The following SRP68 variants were observed in gnomAD, a reference collection of about 807,000 sequenced individuals.
SRP68 encodes the protein signal recognition particle subunit SRP68.
A neutral mutation model predicts 82.2 loss-of-function variants in SRP68; 15 were observed. The observed-to-expected ratio is 0.18, with a 90% CI of 0.12 to 0.28. The LOEUF (loss-of-function observed/expected upper bound fraction) is 0.28, where lower values mean the gene tolerates loss of function less well. SRP68 is among the 10% of genes least tolerant of loss of function. The pLI is 1.00. For missense variants in SRP68, 595 were observed against 780.5 expected (o/e 0.76, Z 2.83); for synonymous variants, 261 against 292.6 (o/e 0.89, Z 1.10).
chr17:76,063,969 T>TTA lies in SRP68; in HGVS notation c.561+6_561+7insTA, dbSNP rs1394156416. 6.2e-6 allele frequency: 10 copies of TTA among 1,611,130 alleles called. No individual in the cohort carries two copies. In the East Asian group the frequency reaches 2.0e-4, roughly 32 times the overall value. On this transcript the variant is annotated splice_region_variant and intron_variant, in intron 4 of 15. Transcript: ENST00000307877. Reference sequence around the variant, plus strand: ...ACAATAAACAAGCTGAATGTTGAGGTACTAACCTGAGCCTCTAATTTGGTC... The same window carrying TTA: ...ACAATAAACAAGCTGAATGTTGAGGTTAACTAACCTGAGCCTCTAATTTGGTC...
chr17:76,045,077 C>T (rs1274862956), intron 12 of SRP68: 3 of 481,902 alleles, frequency 6.2e-6, no homozygotes, highest in South Asian at 2.9e-5. Flanking sequence ...TCCACTCCTC[C>T]GACCTGGCCA....
At chr17:76,050,335 T>C in intron 9 of SRP68, 93 bp downstream of exon 9, 1 of 870,672 alleles carries the variant, frequency 1.1e-6, no homozygotes, top group South Asian at 1.4e-5. Flanking sequence ...AAGCGAGCAG[T>C]GCACTCAGAG....
intron 13 of SRP68, chr17:76,043,434 A>G (rs370093734): frequency 2.6e-5 from 4 of 153,898 alleles, no homozygotes; most frequent in Admixed American, 2.0e-4. Flanking sequence ...GGCCTTTCTA[A>G]GTCCCAATGC....
At chr17:76,046,476 A>C (rs1339400233) in intron 10 of SRP68, among the ~76,000 whole-genome samples, 4 of 115,424 alleles carry the variant, frequency 3.5e-5, no homozygotes, top group South Asian at 2.3e-4. Context: ...AAAAAAAAAA[A>C]AAAAAAAACA....
intron 7 of SRP68, 68 bp downstream of exon 7, chr17:76,060,240 G>A (rs898347368): frequency 3.0e-5 from 29 of 952,526 alleles, no homozygotes; most frequent in Non-Finnish European, 4.2e-5. Context: ...ATATCCCTAG[G>A]GGATTATGAA....
chr17:76,051,396 T>A (rs1189858284), intron 8 of SRP68, among the ~76,000 whole-genome samples: 1 of 152,200 alleles, frequency 6.6e-6, no homozygotes, highest in Non-Finnish European at 1.5e-5. Context: ...AATTAAAACA[T>A]CAACATTCCA....
At chr17:76,057,268 G>T in intron 8 of SRP68, 135 bp downstream of exon 8, 3 of 1,018,438 alleles carry the variant, frequency 2.9e-6, no homozygotes, top group African/African-American at 1.6e-5. Context: ...GCACATCTCC[G>T]TACTTACCAA....
chr17:76,055,334 A>G (rs966355890), intron 8 of SRP68, among the ~76,000 whole-genome samples: 1 of 152,094 alleles, frequency 6.6e-6, no homozygotes, highest in Non-Finnish European at 1.5e-5. Context: ...TTCTGGTTAC[A>G]TGGATAAGTT....
intron 2 of SRP68, among the ~76,000 whole-genome samples, chr17:76,068,360 G>A (rs895592318): frequency 6.6e-6 from 1 of 151,638 alleles, no homozygotes; most frequent in African/African-American, 2.4e-5. Context: ...GGGAGGCTGA[G>A]GCAGAGAACT....
intron 8 of SRP68, among the ~76,000 whole-genome samples, chr17:76,056,934 T>C (rs557011342): frequency 1.3e-5 from 2 of 152,320 alleles, no homozygotes; most frequent in South Asian, 4.1e-4. Context: ...CAGTATCAAG[T>C]GATAACAGTT....
intron 8 of SRP68, among the ~76,000 whole-genome samples, chr17:76,055,782 TTTAAG>T (rs902358840): frequency 6.6e-6 from 1 of 150,694 alleles, no homozygotes; most frequent in Non-Finnish European, 1.5e-5. Flanking sequence ...GTATTTAAAC[TTTAAG>T]TTATTAACTT....
chr17:76,045,131 G>C, intron 12 of SRP68, 161 bp downstream of exon 12: 1 of 606,408 alleles, frequency 1.6e-6, no homozygotes, highest in Non-Finnish European at 2.9e-6. Flanking sequence ...ACAGCCTTTA[G>C]AAACTCCCCT....
chr17:76,070,703 G>A (rs532001200), intron 1 of SRP68, among the ~76,000 whole-genome samples: 24 of 152,034 alleles, frequency 1.6e-4, no homozygotes, highest in African/African-American at 5.3e-4. Flanking sequence ...TTAGCCGGGC[G>A]CAATGGCTAG....
At chr17:76,066,016 G>A (rs1447242154) in intron 3 of SRP68, among the ~76,000 whole-genome samples, 1 of 151,978 alleles carries the variant, frequency 6.6e-6, no homozygotes, top group African/African-American at 2.4e-5. Flanking sequence ...TTACACAAAA[G>A]GTGGCAGCAG....
At chr17:76,054,160 G>A (rs2066695704) in intron 8 of SRP68, among the ~76,000 whole-genome samples, 1 of 152,202 alleles carries the variant, frequency 6.6e-6, no homozygotes, top group African/African-American at 2.4e-5. Flanking sequence ...GCAGTCTCAG[G>A]TTCTCTCGTC....
At chr17:76,047,190 G>A (rs1222424394) in intron 10 of SRP68, among the ~76,000 whole-genome samples, 1 of 152,076 alleles carries the variant, frequency 6.6e-6, no homozygotes, top group Non-Finnish European at 1.5e-5. Flanking sequence ...GATCATGGCT[G>A]ACCGCAGCCT....
chr17:76,058,036 A>G (rs1004139576), intron 7 of SRP68, among the ~76,000 whole-genome samples: 1 of 151,316 alleles, frequency 6.6e-6, no homozygotes, highest in Non-Finnish European at 1.5e-5. Flanking sequence ...GCAGTGGCCT[A>G]ATGACAGCTT....
chr17:76,062,492 A>ATATACATTATATAT, intron 4 of SRP68, among the ~76,000 whole-genome samples: 1 of 104,480 alleles, frequency 9.6e-6, no homozygotes, highest in Non-Finnish European at 1.8e-5. Flanking sequence ...GGAGATATAT[A>ATATACATTATATAT]TATATAATAT....
At position 76,072,169 on chromosome 17, in the gene SRP68, A is replaced by C; in HGVS notation, c.184+139T>G. ...ACAGACCCCCCCCGGAATTCTGAGC[A>C]CCAAAAGGTAAGGGCGAGAGAAACT... On this transcript the variant is annotated intron_variant, in intron 1 of 15. Coordinates refer to ENST00000307877, the MANE Select transcript of SRP68 (RefSeq NM_014230.4). This position sits in a 1 kb window ranked among gnomAD's most constrained non-coding sequence, Gnocchi z 4.5. 2 of 1,438,200 alleles carry C rather than the reference A, an allele frequency of 1.4e-6. No individual in the cohort carries two copies. The highest frequency in any genetic ancestry group is 9.4e-7 in the Non-Finnish European group (1 of 1,069,136). 89.1% of individuals were successfully genotyped at this position (1,438,200 alleles called of 1,614,324 possible). A position where few individuals can be genotyped will look rare whatever the true frequency, so the allele number is the denominator to read the frequency against.
Sources: allele counts gnomAD v4.1 joint callset (sites outside exome capture counted in the v4.1 genomes callset), GRCh38; gene constraint gnomAD v4.1.1; non-coding constraint Gnocchi (gnomAD v3.1); transcripts MANE v1.5; gene names NCBI Gene and HGNC (gene_info 2026-07-23, HGNC 2026-07-21).